Variants in RNLS observed in about 807,000 individuals in gnomAD.
The protein encoded by RNLS is renalase, FAD dependent amine oxidase, also known as renalase.
In RNLS, 39 loss-of-function variants were observed where a neutral mutation model predicts 39.8. The observed-to-expected ratio is 0.98, with a 90% confidence interval of 0.76 to 1.28. RNLS has a LOEUF of 1.28. Among genes scored for constraint, RNLS ranks in the 50% most tolerant of loss-of-function variants. The pLI, the probability that RNLS is intolerant of heterozygous loss-of-function variation, is 0.00. For synonymous variants in RNLS, 147 were observed against 150.7 expected (o/e 0.98, Z 0.18); for missense variants, 410 against 413.3 (o/e 0.99, Z 0.07).
chr10:88,469,033 AT>A (rs939413452), intron 4 of RNLS, among the ~76,000 whole-genome samples: 4 of 152,222 alleles, frequency 2.6e-5, no homozygotes, highest in African/African-American at 9.6e-5. Context: ...TTCATGATAC[AT>A]TAAAAAATGT....
chr10:88,412,618 T>C (rs1034385721), intron 4 of RNLS, among the ~76,000 whole-genome samples: 7 of 152,118 alleles, frequency 4.6e-5, no homozygotes, highest in African/African-American at 1.7e-4. Flanking sequence ...TAGGCAGTCA[T>C]ATATGGCGTC....
At chr10:88,365,877 C>T (rs1850056949) in intron 4 of RNLS, among the ~76,000 whole-genome samples, 1 of 152,024 alleles carries the variant, frequency 6.6e-6, no homozygotes, top group African/African-American at 2.4e-5. Context: ...TCTTTGTTTC[C>T]TCACATAATT....
intron 3 of RNLS, among the ~76,000 whole-genome samples, chr10:88,575,141 TATATATATATATATATATACACAC>T (rs1460320645): frequency 6.1e-5 from 2 of 32,896 alleles, no homozygotes; most frequent in East Asian, 3.0e-3. Flanking sequence ...TATATATATA[TATATATATATATATATATACACAC>T]ACACACACAC....
In RNLS at chr10:88,524,956, C is replaced by CACACACACAT. The variant is rs768939981; in HGVS notation, c.526+47946_526+47947insATGTGTGTGT. Among the ~76,000 whole-genome samples the CACACACACAT allele has an allele frequency of 3.7e-4, 28 of 76,288 alleles. 1 individual carries two copies. The highest frequency in any genetic ancestry group is 1.1e-3 in the South Asian group (2 of 1,862). The allele number at this position is 76,288 out of a possible 152,430, so 50.0% of individuals were successfully genotyped here. A position where few individuals can be genotyped will look rare whatever the true frequency, so the allele number is the denominator to read the frequency against. ...CATATATATATATATATGGCACACACATACATATATATATATATATATATA... is the reference window on the plus strand; with the variant it reads ...CATATATATATATATATGGCACACACACACACACATATACATATATATATATATATATATA... On this transcript the variant is annotated intron_variant, in intron 4 of 6. Coordinates refer to ENST00000331772, the MANE Select transcript of RNLS (RefSeq NM_001031709.3).
At chr10:88,461,283 G>A (rs972584137) in intron 4 of RNLS, among the ~76,000 whole-genome samples, 2 of 152,078 alleles carry the variant, frequency 1.3e-5, no homozygotes, top group African/African-American at 4.8e-5. Context: ...GAGGCTTTGG[G>A]TGTTTTTGGT....
intron 5 of RNLS, among the ~76,000 whole-genome samples, chr10:88,350,161 G>T (rs1848581942): frequency 6.7e-6 from 1 of 148,186 alleles, no homozygotes. Flanking sequence ...AAAAAGTTTT[G>T]CCTGTCTGGA....
chr10:88,440,605 G>A (rs569797300), intron 4 of RNLS, among the ~76,000 whole-genome samples: 3 of 152,328 alleles, frequency 2.0e-5, no homozygotes, highest in South Asian at 2.1e-4. Flanking sequence ...AATCCTTGAT[G>A]TTGGCTTTTC....
chr10:88,177,374 C>T, the RNLS span, among the ~76,000 whole-genome samples: 1 of 152,090 alleles, frequency 6.6e-6, no homozygotes, highest in Non-Finnish European at 1.5e-5. Flanking sequence ...TGTTGAAATG[C>T]TTAATTGTAT....
At chr10:88,558,792 T>G (rs1455521807) in intron 4 of RNLS, among the ~76,000 whole-genome samples, 1 of 152,106 alleles carries the variant, frequency 6.6e-6, no homozygotes. Context: ...TACAAGAACA[T>G]GATAAAATAT....
chr10:88,429,370 A>G (rs752136325), intron 4 of RNLS, among the ~76,000 whole-genome samples: 1 of 152,004 alleles, frequency 6.6e-6, no homozygotes, highest in Non-Finnish European at 1.5e-5. Flanking sequence ...TATATTGGAA[A>G]ATAAAAACAT....
At chr10:88,445,880 C>T (rs1842004694) in intron 4 of RNLS, among the ~76,000 whole-genome samples, 1 of 152,242 alleles carries the variant, frequency 6.6e-6, no homozygotes, top group Non-Finnish European at 1.5e-5. Flanking sequence ...CTTTAATACC[C>T]CACTGTCAAC....
chr10:88,362,883 T>C (rs191794581), intron 4 of RNLS, among the ~76,000 whole-genome samples, 158 bp from the exon 5 acceptor site: 282 of 152,334 alleles, frequency 1.9e-3, no homozygotes, highest in African/African-American at 6.2e-3. Flanking sequence ...GCACCAGCTC[T>C]AATTTCTTTT....
intron 4 of RNLS, among the ~76,000 whole-genome samples, chr10:88,390,791 A>C (rs1009203963): frequency 3.3e-5 from 5 of 152,166 alleles, no homozygotes; most frequent in Admixed American, 3.3e-4. Flanking sequence ...AGTGGGTAGT[A>C]GTCAGGGAGG....
chr10:88,382,306 G>A (rs1458403057), intron 4 of RNLS, among the ~76,000 whole-genome samples: 1 of 152,032 alleles, frequency 6.6e-6, no homozygotes, highest in African/African-American at 2.4e-5. Context: ...TGTCTATTGT[G>A]CATGACACTT....
At position 88,314,580 on chromosome 10, in the gene RNLS, G is replaced by A; in HGVS notation, c.762C>T (p.Tyr254=). 6.2e-7 allele frequency: 1 copy of A among 1,613,956 alleles called. No individual in the cohort carries two copies. The highest frequency in any genetic ancestry group is 8.5e-7 in the Non-Finnish European group (1 of 1,179,880). ...GCACATCCTCAATGCTGTGTTCCAAGTATGTAACTCCAAATGGGACAGTGG... is the reference window on the plus strand; with the variant it reads ...GCACATCCTCAATGCTGTGTTCCAAATATGTAACTCCAAATGGGACAGTGG... ...IHTTVPFGVT[Y]LEHSIEDVQE... The change falls in exon 6 of 7, where the codon TAC becomes TAT. Residue 254 remains tyrosine, a synonymous_variant. Coordinates refer to ENST00000331772, the MANE Select transcript of RNLS (RefSeq NM_001031709.3).
At chr10:88,222,706 C>T in the RNLS span, among the ~76,000 whole-genome samples, 2 of 151,796 alleles carry the variant, frequency 1.3e-5, no homozygotes, top group African/African-American at 4.8e-5. Flanking sequence ...AAGTGTCTAA[C>T]CTTTGGAAGG....
At chr10:88,444,098 G>A (rs10749588) in intron 4 of RNLS, among the ~76,000 whole-genome samples, 78,435 of 152,076 alleles carry the variant, frequency 0.52, 20,785 homozygotes, top group African/African-American at 0.65. Context: ...CACCTCACAC[G>A]GCTGGGTACC....
intron 2 of RNLS, 28 bp downstream of exon 2, chr10:88,582,174 T>C (rs1371846678): frequency 4.5e-6 from 7 of 1,543,554 alleles, no homozygotes; most frequent in South Asian, 2.3e-5. Context: ...ACTGCTAAGA[T>C]TGATTCCACT....
downstream of RNLS, among the ~76,000 whole-genome samples, chr10:88,273,174 T>C (rs1360894543): frequency 1.3e-5 from 2 of 152,230 alleles, no homozygotes; most frequent in East Asian, 1.9e-4. Flanking sequence ...AATTTCTTAC[T>C]GATATTAGCT....
Sources: gnomAD v4.1 joint callset for allele counts (sites outside exome capture counted in the v4.1 genomes callset) on GRCh38, gnomAD v4.1.1 for gene constraint, MANE v1.5 for transcripts, NCBI Gene and HGNC (gene_info 2026-07-23, HGNC 2026-07-21) for gene names.